Variants in TMEM61 observed in about 807,000 individuals in gnomAD.
The protein encoded by TMEM61 is transmembrane protein 61.
Under a neutral mutation model 12.0 loss-of-function variants are expected in TMEM61, and 13 were observed. The observed-to-expected ratio is 1.08, with a 90% CI of 0.70 to 1.72. TMEM61 has a LOEUF of 1.72. Ranked by LOEUF, TMEM61 falls within the 40% of genes most tolerant of loss-of-function variation. TMEM61 has a pLI of 0.00. For missense variants in TMEM61, 249 were observed against 276.9 expected (o/e 0.90, Z 0.71); for synonymous variants, 109 against 121.4 (o/e 0.90, Z 0.67).
chr1:54,985,768 TC>T (rs11327893), intron 1 of TMEM61, among the ~76,000 whole-genome samples: 94,287 of 151,962 alleles, frequency 0.62, 33,124 homozygotes, highest in Non-Finnish European at 0.79. Context: ...TGTCCCAGCT[TC>T]CTGTGTGGCA....
At chr1:54,991,664 A>G (rs2500325) in intron 2 of TMEM61, among the ~76,000 whole-genome samples, 172 bp from the exon 3 acceptor site, 122,657 of 152,170 alleles carry the variant, frequency 0.81, 49,610 homozygotes, top group Admixed American at 0.84. Flanking sequence ...GCTGAGGGCC[A>G]CAGGGGCTGG....
At chr1:54,991,278 A>C (rs1208514677) in intron 2 of TMEM61, among the ~76,000 whole-genome samples, 1 of 152,178 alleles carries the variant, frequency 6.6e-6, no homozygotes, top group African/African-American at 2.4e-5. Context: ...CCAGAGATAG[A>C]AGTGGTTGAT....
intron 2 of TMEM61, among the ~76,000 whole-genome samples, 158 bp from the exon 3 acceptor site, chr1:54,991,678 A>G (rs984164019): frequency 1.3e-5 from 2 of 152,200 alleles, no homozygotes; most frequent in African/African-American, 4.8e-5. Context: ...GGGCTGGCTC[A>G]TGCCAAGTTT....
At chr1:54,981,233 C>CT in intron 1 of TMEM61, among the ~76,000 whole-genome samples, 153 bp downstream of exon 1, 1 of 152,324 alleles carries the variant, frequency 6.6e-6, no homozygotes, top group East Asian at 1.9e-4. Flanking sequence ...TGCTGGGTGG[C>CT]TTGAGGCCAT....
rs189163779 is a variant in TMEM61, at chr1:54,990,499, C to T, written c.366-1337C>T. ...TTCCATCTACCAGCATGGGCCCCTCCGTCAGCTAAGTCCCATCTACTGCTT... is the reference window on the plus strand; with the variant it reads ...TTCCATCTACCAGCATGGGCCCCTCTGTCAGCTAAGTCCCATCTACTGCTT... On this transcript the variant is annotated intron_variant, in intron 2 of 2. Coordinates refer to ENST00000371268, the MANE Select transcript of TMEM61 (RefSeq NM_182532.3). 6.0e-3 allele frequency among the ~76,000 whole-genome samples: 908 copies of T among 152,116 alleles called. 8 individuals are homozygous for T. The highest frequency in any genetic ancestry group is 0.014 in the Admixed American group (218 of 15,306).
intron 2 of TMEM61, among the ~76,000 whole-genome samples, chr1:54,987,350 G>T (rs1338204372): frequency 6.6e-6 from 1 of 152,178 alleles, no homozygotes; most frequent in African/African-American, 2.4e-5. Flanking sequence ...ACAAAGTGTT[G>T]CATGAAGACA....
intron 2 of TMEM61, among the ~76,000 whole-genome samples, chr1:54,989,991 C>T (rs1458919256): frequency 6.6e-6 from 1 of 151,882 alleles, no homozygotes; most frequent in Non-Finnish European, 1.5e-5. Flanking sequence ...ATATTATCCT[C>T]ATTTTACGGA....
At position 54,980,911 on chromosome 1, in the gene TMEM61, A is replaced by G. The variant is rs1644213964; in HGVS notation, c.-155A>G. On this transcript the variant is annotated 5_prime_UTR_variant, in exon 1 of 3. Transcript: ENST00000371268. Reference sequence around the variant, plus strand: ...GGGCTGGGGAGCAGGGCTCGGGGGCAGCGGCCAGGCCCCTCCGCCCCTAAC... The same window carrying G: ...GGGCTGGGGAGCAGGGCTCGGGGGCGGCGGCCAGGCCCCTCCGCCCCTAAC... The G allele has an allele frequency of 1.4e-5, 10 of 727,828 alleles. No homozygotes were observed. In the South Asian group the frequency reaches 2.7e-4, roughly 20 times the overall value. The allele number at this position is 727,828 out of a possible 1,614,324, so 45.1% of individuals were successfully genotyped here.
rs1420216122 is a variant in TMEM61 at position 54,980,818 on chromosome 1, G to C, written c.-248G>C. 1 of 390,100 alleles carries C rather than the reference G, an allele frequency of 2.6e-6. No homozygotes were observed. Among genetic ancestry groups the C allele is most frequent in the Admixed American group, 4.5e-5 (1 of 22,166 alleles). The allele number at this position is 390,100 out of a possible 1,614,324, so 24.2% of individuals were successfully genotyped here. A position where few individuals can be genotyped will look rare whatever the true frequency, so the allele number is the denominator to read the frequency against. ...GCCTGGCTCGGTCCCTGCGCACCGG[G>C]TGCGGGCGGCGGAGAGGGCGCGGCT... On this transcript the variant is annotated 5_prime_UTR_variant, in exon 1 of 3. Coordinates refer to ENST00000371268, the MANE Select transcript of TMEM61 (RefSeq NM_182532.3).
chr1:54,986,528 T>G, intron 2 of TMEM61, 82 bp downstream of exon 2: 1 of 1,223,184 alleles, frequency 8.2e-7, no homozygotes, highest in Non-Finnish European at 1.1e-6. Flanking sequence ...GCATTTGTAA[T>G]TCCAGCAAAT....
rs556919988 is a variant in TMEM61 at position 54,980,993 on chromosome 1, G to A, written c.-73G>A. On this transcript the variant is annotated 5_prime_UTR_variant, in exon 1 of 3. Coordinates refer to ENST00000371268, the MANE Select transcript of TMEM61 (RefSeq NM_182532.3). ...GCTGGTAGGGTCGCTCAGCCCTGGC[G>A]TCCTCCACCACCACACCTTCACCTG... The A allele has an allele frequency of 3.3e-6, 5 of 1,493,544 alleles. No individual in the cohort carries two copies. The South Asian group carries it at 3.9e-5, about 12-fold the overall frequency. 92.5% of individuals were successfully genotyped at this position (1,493,544 alleles called of 1,614,324 possible).
intron 2 of TMEM61, among the ~76,000 whole-genome samples, chr1:54,991,324 G>A (rs1019827345): frequency 1.3e-5 from 2 of 152,210 alleles, no homozygotes; most frequent in African/African-American, 4.8e-5. Flanking sequence ...CTGGAGGTAT[G>A]CAAGTAGAGA....
chr1:54,986,197 G>T lies in TMEM61; in HGVS notation c.116G>T (p.Ser39Ile), dbSNP rs1353535495. ...GGGACGCTCTGCTTCGCTTGGTGGA[G>T]CGAAGGGGATGCAACCGCCCAGCCT... ...VAGTLCFAWW[S>I]EGDATAQPGQ... Residue 39 changes from serine (S) to isoleucine (I), a missense_variant, in exon 2 of 3, where the codon AGC (serine) becomes ATC (isoleucine). By Grantham distance (142) the Ser-to-Ile change is moderately radical. Coordinates refer to ENST00000371268, the MANE Select transcript of TMEM61 (RefSeq NM_182532.3). The T allele has an allele frequency of 6.2e-7, 1 of 1,613,784 alleles. No individual in the cohort carries two copies. Among genetic ancestry groups the T allele is most frequent in the Non-Finnish European group, 8.5e-7 (1 of 1,180,014 alleles).
At chr1:54,986,512 C>A in intron 2 of TMEM61, 66 bp downstream of exon 2, 1 of 1,346,478 alleles carries the variant, frequency 7.4e-7, no homozygotes. Flanking sequence ...ACCAGCCCAC[C>A]AGCCAGCATT....
Position 54,983,121 on chromosome 1 carries a change from TG to T in TMEM61, c.15+2042del, listed in dbSNP as rs869073970. ...TGTGTTTTGCTTTGTTTTTTTTTTT[TG>T]TTTTTTTTTGAGAAAGAGTCTCACT... is the stretch of plus-strand genomic sequence containing the variant. On this transcript the variant is annotated intron_variant, in intron 1 of 2. Coordinates refer to ENST00000371268, the MANE Select transcript of TMEM61 (RefSeq NM_182532.3). Among the ~76,000 whole-genome samples the T allele has an allele frequency of 6.7e-5, 9 of 133,700 alleles. 1 individual carries two copies. The highest frequency in any genetic ancestry group is 1.5e-4 in the Admixed American group (2 of 13,008). 87.7% of individuals were successfully genotyped at this position (133,700 alleles called of 152,430 possible). A position where few individuals can be genotyped will look rare whatever the true frequency, so the allele number is the denominator to read the frequency against.
In TMEM61 at chr1:54,981,092, C is replaced by T. The variant is rs750620620; in HGVS notation, c.15+12C>T. ...TGGCCCTGCCCCAGGTGGGTGGAAA[C>T]GGCCTTCTCCCTCCTTTACGGGCAC... On this transcript the variant is annotated intron_variant, in intron 1 of 2. Transcript: ENST00000371268. The T allele has an allele frequency of 3.8e-6, 6 of 1,586,558 alleles. No individual in the cohort carries two copies. Among genetic ancestry groups the T allele is most frequent in the African/African-American group, 2.7e-5 (2 of 74,508 alleles).
rs768239296 is a variant in TMEM61 at position 54,986,090 on chromosome 1, T to G, written c.16-7T>G. 3.2e-6 allele frequency: 5 copies of G among 1,569,476 alleles called. No homozygotes were observed. The Admixed American group carries it at 8.8e-5, about 27-fold the overall frequency. On this transcript the variant is annotated splice_region_variant and splice_polypyrimidine_tract_variant and intron_variant, in intron 1 of 2. Coordinates refer to ENST00000371268, the MANE Select transcript of TMEM61 (RefSeq NM_182532.3). The stretch of plus-strand genomic sequence containing the variant: ...ATTTCCTCTTCTCCCTCCTTCTCTG[T>G]GTCCAGATGTGTGACGGGAGCCACT...
chr1:54,992,039 A>G lies in TMEM61; in HGVS notation c.569A>G (p.Glu190Gly), dbSNP rs1271659850. ...ISLALDAVSA[E>G]TTPSATRSCS... ...CTTGCTCTTGATGCCGTTTCTGCGG[A>G]GACGACACCGAGTGCCACACGCTCC... The change falls in exon 3 of 3, where the codon GAG becomes GGG. Residue 190 changes from glutamate to glycine, a missense_variant. Physicochemically the swap from Glu to Gly is moderately conservative, Grantham distance 98. Transcript: ENST00000371268. 1 of 1,613,474 alleles carries G rather than the reference A, an allele frequency of 6.2e-7. No homozygotes were observed. Among genetic ancestry groups the G allele is most frequent in the Non-Finnish European group, 8.5e-7 (1 of 1,179,964 alleles).
Position 54,991,907 on chromosome 1 carries a change from C to T in TMEM61, c.437C>T (p.Thr146Ile). 1 of 1,614,190 alleles carries T rather than the reference C, an allele frequency of 6.2e-7. No individual in the cohort carries two copies. Among genetic ancestry groups the T allele is most frequent in the Non-Finnish European group, 8.5e-7 (1 of 1,180,026 alleles). The change falls in exon 3 of 3, where the codon ACA becomes ATA. Residue 146 changes from threonine to isoleucine, a missense_variant. Thr to Ile is a moderately conservative substitution (Grantham distance 89). Transcript: ENST00000371268. The part of the protein sequence containing the change: ...VSFPVAEGPP[T>I]PPAYPTEEAL... ...TTCCCAGTGGCCGAGGGGCCCCCAA[C>T]ACCACCTGCATACCCTACGGAGGAA...
Sources: allele counts gnomAD v4.1 joint callset (sites outside exome capture counted in the v4.1 genomes callset), GRCh38; gene constraint gnomAD v4.1.1; transcripts MANE v1.5; gene names NCBI Gene and HGNC (gene_info 2026-07-23, HGNC 2026-07-21).